RTN1: variants seen among roughly 807,000 people sequenced by gnomAD.
The protein encoded by RTN1 is reticulon 1.
A neutral mutation model predicts 65.5 loss-of-function variants in RTN1; 25 were observed. The observed-to-expected ratio is 0.38, with a 90% confidence interval of 0.28 to 0.53. The LOEUF (loss-of-function observed/expected upper bound fraction) is 0.53, where lower values mean the gene tolerates loss of function less well. RTN1 is among the 20% of genes least tolerant of loss of function. The pLI, the probability that RTN1 is intolerant of heterozygous loss-of-function variation, is 0.79. For missense variants in RTN1, 983 were observed against 1,025.4 expected, an observed-to-expected ratio of 0.96 and a Z score of 0.57; for synonymous variants, 471 against 447.6, an observed-to-expected ratio of 1.05 and a Z score of -0.66.
In RTN1 at chr14:59,599,900, C is replaced by T. The variant is rs554222348; in HGVS notation, c.2289-3113G>A. Among the ~76,000 whole-genome samples the T allele has an allele frequency of 5.9e-5, 9 of 152,266 alleles. No individual in the cohort carries two copies. The East Asian group carries it at 1.7e-3, about 29-fold the overall frequency. ...TTATCAAAGGTCACCAAGAGAGCTT[C>T]TAGGTAAAATTACAAGCTACTTTGT... On this transcript the variant is annotated intron_variant, in intron 8 of 8. Transcript: ENST00000267484.
chr14:59,841,693 C>T (rs1352045375), intron 1 of RTN1, among the ~76,000 whole-genome samples: 5 of 142,604 alleles, frequency 3.5e-5, no homozygotes, highest in African/African-American at 1.1e-4. Context: ...GGAGACAGAG[C>T]GAGACTCCAT....
chr14:59,749,575 A>C lies in RTN1; in HGVS notation c.242-3094T>G, dbSNP rs1391714815. Among the ~76,000 whole-genome samples, 12 of 48,520 alleles carry C rather than the reference A, an allele frequency of 2.5e-4. 2 individuals are homozygous for C. The East Asian group carries it at 4.4e-3, about 18-fold the overall frequency. 31.8% of individuals were successfully genotyped at this position (48,520 alleles called of 152,430 possible). A position where few individuals can be genotyped will look rare whatever the true frequency, so the allele number is the denominator to read the frequency against. On this transcript the variant is annotated intron_variant, in intron 1 of 8. Transcript: ENST00000267484. ...TATAGATATCTATATATAGATATAT[A>C]TATATAGATATTTATATATATATCT...
chr14:59,771,024 G>A (rs899667476), intron 1 of RTN1, among the ~76,000 whole-genome samples: 1 of 150,478 alleles, frequency 6.6e-6, no homozygotes, highest in African/African-American at 2.5e-5. Flanking sequence ...CAGCCTGGGC[G>A]ACAGAGTGAG....
intron 3 of RTN1, among the ~76,000 whole-genome samples, chr14:59,705,043 G>A (rs1186606356): frequency 6.6e-5 from 10 of 152,082 alleles, no homozygotes; most frequent in African/African-American, 1.2e-4. Context: ...GAAATATGGC[G>A]GATTTAAATC....
At chr14:59,605,642 A>G in intron 4 of RTN1, 136 bp from the exon 5 acceptor site, 1 of 840,736 alleles carries the variant, frequency 1.2e-6, no homozygotes, top group Non-Finnish European at 1.8e-6. Context: ...GGGTTATGCC[A>G]GCCAGTGAGG....
chr14:59,805,740 TA>T, intron 1 of RTN1, among the ~76,000 whole-genome samples: 1 of 152,192 alleles, frequency 6.6e-6, no homozygotes, highest in Non-Finnish European at 1.5e-5. Flanking sequence ...CTGATTTTTA[TA>T]ATTTAAAGAA....
At chr14:59,771,104 C>T (rs1054605681) in intron 1 of RTN1, among the ~76,000 whole-genome samples, 2 of 152,110 alleles carry the variant, frequency 1.3e-5, no homozygotes, top group African/African-American at 2.4e-5. Context: ...AAAGTCATCC[C>T]TCATCAACAT....
At chr14:59,799,601 A>G (rs1254998515) in intron 1 of RTN1, among the ~76,000 whole-genome samples, 2 of 152,226 alleles carry the variant, frequency 1.3e-5, no homozygotes, top group Non-Finnish European at 2.9e-5. Flanking sequence ...ATAACTGGGT[A>G]CCCCAGACAC....
rs1259592558 is a variant in RTN1 at position 59,607,564 on chromosome 14, A to G, written c.1766-72T>C. 7.5e-6 allele frequency: 10 copies of G among 1,328,408 alleles called. No individual in the cohort carries two copies. In the East Asian group the frequency reaches 2.5e-4, roughly 33 times the overall value. 82.3% of individuals were successfully genotyped at this position (1,328,408 alleles called of 1,614,324 possible). A position where few individuals can be genotyped will look rare whatever the true frequency, so the allele number is the denominator to read the frequency against. On this transcript the variant is annotated intron_variant, in intron 3 of 8. Transcript: ENST00000267484. ...CACATGAGCCGCTGTGGCTCACTCC[A>G]CCAAGCTGTGGTTGCTGTGGGTTCT... is the stretch of plus-strand genomic sequence containing the variant.
chr14:59,748,968 T>G (rs1407567368), intron 1 of RTN1, among the ~76,000 whole-genome samples: 1 of 151,300 alleles, frequency 6.6e-6, no homozygotes, highest in Non-Finnish European at 1.5e-5. Flanking sequence ...TTTTGTATTT[T>G]TAATAGAGAC....
intron 1 of RTN1, among the ~76,000 whole-genome samples, chr14:59,750,347 T>TATATA (rs1421773524): frequency 0.14 from 526 of 3,630 alleles, 35 homozygotes; most frequent in Admixed American, 0.23. Flanking sequence ...ATATCTATAA[T>TATATA]ATATATTATA....
intron 3 of RTN1, among the ~76,000 whole-genome samples, chr14:59,625,285 A>G (rs1882364373): frequency 6.6e-6 from 1 of 152,238 alleles, no homozygotes; most frequent in Non-Finnish European, 1.5e-5. Context: ...TTGAAGATGT[A>G]AATTTAGATC....
chr14:59,717,530 C>G (rs751190590), intron 3 of RTN1, among the ~76,000 whole-genome samples: 1 of 152,122 alleles, frequency 6.6e-6, no homozygotes, highest in Non-Finnish European at 1.5e-5. Context: ...CCAGGAGGCC[C>G]CAAACTACTG....
Position 59,668,965 on chromosome 14 carries a change from G to T in RTN1, c.1765+57954C>A, listed in dbSNP as rs542039063. Among the ~76,000 whole-genome samples, 6 of 152,196 alleles carry T rather than the reference G, an allele frequency of 3.9e-5. No homozygotes were observed. In the East Asian group the frequency reaches 1.2e-3, roughly 29 times the overall value. On this transcript the variant is annotated intron_variant, in intron 3 of 8. Transcript: ENST00000267484. Reference sequence around the variant, plus strand: ...AAAAGTCAGGAAACAACAGATGCTGGAGAGGATGTGGAGTAACAGGCACCC... The same window carrying T: ...AAAAGTCAGGAAACAACAGATGCTGTAGAGGATGTGGAGTAACAGGCACCC...
intron 3 of RTN1, among the ~76,000 whole-genome samples, chr14:59,726,092 T>C (rs1884753598): frequency 6.6e-6 from 1 of 152,196 alleles, no homozygotes; most frequent in South Asian, 2.1e-4. Context: ...CCTCACTTAG[T>C]CATGTGACTC....
chr14:59,674,203 T>C (rs1259812262), intron 3 of RTN1, among the ~76,000 whole-genome samples: 1 of 152,220 alleles, frequency 6.6e-6, no homozygotes, highest in Non-Finnish European at 1.5e-5. Context: ...GTTATACCTC[T>C]ATGGCAGCCT....
In RTN1 at chr14:59,733,178, G is replaced by A. The variant is rs547852106; in HGVS notation, c.1016-5510C>T. On this transcript the variant is annotated intron_variant, in intron 2 of 8. Coordinates refer to ENST00000267484, the MANE Select transcript of RTN1 (RefSeq NM_021136.3). Reference sequence around the variant, plus strand: ...GCGATCCCTGCTCACTGTAACCTCCGCCTCCCGGGTTCAAGCAATTCTCCT... The same window carrying A: ...GCGATCCCTGCTCACTGTAACCTCCACCTCCCGGGTTCAAGCAATTCTCCT... Among the ~76,000 whole-genome samples, 150 of 151,394 alleles carry A rather than the reference G, an allele frequency of 9.9e-4. 1 individual carries two copies. Among genetic ancestry groups the A allele is most frequent in the African/African-American group, 3.2e-3 (131 of 41,196 alleles).
Position 59,870,429 on chromosome 14 carries a change from C to A in RTN1, c.202G>T (p.Ala68Ser). The A allele has an allele frequency of 1.3e-6, 2 of 1,519,786 alleles. No individual in the cohort carries two copies. The highest frequency in any genetic ancestry group is 1.2e-5 in the South Asian group (1 of 81,766). 94.1% of individuals were successfully genotyped at this position (1,519,786 alleles called of 1,614,324 possible). Residue 68 changes from alanine to serine, a missense_variant, in exon 1 of 9, where the codon GCC (alanine) becomes TCC (serine). Around this residue, in one of 2 missense-constraint regions of RTN1, gnomAD observed 818 missense variants for 801.8 expected, o/e 1.02. Transcript: ENST00000267484. The surrounding 1 kb of genome is among the most constrained non-coding windows in gnomAD (Gnocchi z 5.1). ...AASREAGSGPARQSPVAMETA... is the reference protein window; with the variant it reads ...AASREAGSGPSRQSPVAMETA... ...TCCATGGCAACGGGCGACTGCCGGGCGGGGCCCGAGCCGGCTTCCCGCGAC... is the reference window on the plus strand; with the variant it reads ...TCCATGGCAACGGGCGACTGCCGGGAGGGGCCCGAGCCGGCTTCCCGCGAC...
At chr14:59,761,367 G>C (rs1316855114) in intron 1 of RTN1, among the ~76,000 whole-genome samples, 1 of 152,164 alleles carries the variant, frequency 6.6e-6, no homozygotes, top group Admixed American at 6.5e-5. Flanking sequence ...AGTCTCATGA[G>C]ATCTGATGGT....
Sources: gnomAD v4.1 joint callset for allele counts (sites outside exome capture counted in the v4.1 genomes callset) on GRCh38, gnomAD v4.1.1 for gene constraint, gnomAD v4.1.1 regional missense constraint, Gnocchi (gnomAD v3.1) non-coding constraint, MANE v1.5 for transcripts, NCBI Gene and HGNC (gene_info 2026-07-23, HGNC 2026-07-21) for gene names.